Variants in LEMD1 observed in about 807,000 individuals in gnomAD.
LEMD1 encodes LEM domain containing 1, also known as LEM domain-containing protein 1.
In LEMD1, 18 loss-of-function variants were observed where a neutral mutation model predicts 17.4. That is an observed-to-expected ratio of 1.04 (90% CI 0.72 to 1.54). LEMD1 has a LOEUF of 1.54. Among genes scored for constraint, LEMD1 ranks in the 40% most tolerant of loss-of-function variants. The pLI is 0.00. For synonymous variants in LEMD1, 88 were observed against 77.8 expected, an observed-to-expected ratio of 1.13 and a Z score of -0.69; for missense variants, 195 against 210.4, an observed-to-expected ratio of 0.93 and a Z score of 0.45.
intron 1 of LEMD1, among the ~76,000 whole-genome samples, chr1:205,444,629 AAAGT>A (rs1194064929): frequency 1.3e-5 from 2 of 152,162 alleles, no homozygotes; most frequent in Non-Finnish European, 1.5e-5. Flanking sequence ...AGCAGGCCAG[AAAGT>A]AAGATAAAGA....
intron 4 of LEMD1, among the ~76,000 whole-genome samples, chr1:205,392,434 C>T (rs368043979): frequency 6.7e-4 from 101 of 151,638 alleles, no homozygotes; most frequent in African/African-American, 1.2e-3. Flanking sequence ...CCCAGCTACT[C>T]GGGAGGCTGA....
chr1:205,429,956 C>T (rs1413117802), intron 1 of LEMD1, among the ~76,000 whole-genome samples: 1 of 152,168 alleles, frequency 6.6e-6, no homozygotes, highest in Non-Finnish European at 1.5e-5. Flanking sequence ...CGGCTGTGCA[C>T]AGGTGTCGCT....
chr1:205,417,832 T>TA lies in LEMD1; in HGVS notation c.205+1397dup, dbSNP rs35330399. Among the ~76,000 whole-genome samples the TA allele has an allele frequency of 6.0e-3, 859 of 144,078 alleles. 3 individuals carry two copies. Among genetic ancestry groups the TA allele is most frequent in the African/African-American group, 8.5e-3 (329 of 38,882 alleles). 94.5% of individuals were successfully genotyped at this position (144,078 alleles called of 152,430 possible). On this transcript the variant is annotated intron_variant, in intron 3 of 5. Coordinates refer to ENST00000367153, the MANE Select transcript of LEMD1 (RefSeq NM_001199050.2). ...TCCTTTTTTTGTAGATCAGACATGG[T>TA]AAAAAAAAAAAAAAATGTAATGTGG...
In LEMD1 at chr1:205,420,468, A is replaced by T; in HGVS notation, c.69T>A (p.Pro23=). 6.2e-7 allele frequency: 1 copy of T among 1,613,482 alleles called. No homozygotes were observed. The highest frequency in any genetic ancestry group is 8.5e-7 in the Non-Finnish European group (1 of 1,179,408). The change falls in exon 2 of 6, where the codon CCT becomes CCA. Residue 23 remains proline, a synonymous_variant. Transcript: ENST00000367153. ...QNQLEKLGFS[P]GPILPSTRKL... ...TACTGTACATACGTAGTATTGGGCC[A>T]GGTGAAAATCCAAGCTTCTCAAGTT...
intron 5 of LEMD1, among the ~76,000 whole-genome samples, chr1:205,384,022 AC>A (rs2102332134): frequency 6.6e-6 from 1 of 151,114 alleles, no homozygotes; most frequent in East Asian, 1.9e-4. Context: ...AAATGGCTAC[AC>A]ATCAGGAGAC....
chr1:205,402,667 C>A (rs1377980364), intron 4 of LEMD1, among the ~76,000 whole-genome samples: 5 of 152,066 alleles, frequency 3.3e-5, no homozygotes, highest in Admixed American at 3.3e-4. Context: ...TTGACTTCCT[C>A]TTTTCCTAAT....
At chr1:205,447,648 C>T (rs74141215) in intron 1 of LEMD1, among the ~76,000 whole-genome samples, 12,862 of 151,670 alleles carry the variant, frequency 0.085, 574 homozygotes, top group African/African-American at 0.094. Flanking sequence ...ACAAGCAGGA[C>T]GGGGGCAGGG....
chr1:205,382,381 C>T (rs541912285), intron 5 of LEMD1, among the ~76,000 whole-genome samples: 3 of 152,054 alleles, frequency 2.0e-5, no homozygotes, highest in South Asian at 4.2e-4. Context: ...TGTGCCACTG[C>T]ACTCCAGCCT....
chr1:205,427,509 CAGAG>C (rs1558739470), intron 1 of LEMD1, among the ~76,000 whole-genome samples: 1 of 97,814 alleles, frequency 1.0e-5, no homozygotes, highest in South Asian at 3.8e-4. Flanking sequence ...GAGAGAGAGA[CAGAG>C]AGAGAGACAG....
intron 1 of LEMD1, among the ~76,000 whole-genome samples, chr1:205,421,232 A>G (rs1665947895): frequency 6.6e-6 from 1 of 152,222 alleles, no homozygotes; most frequent in Non-Finnish European, 1.5e-5. Context: ...CCAAATCTGC[A>G]CAACCTCAAA....
Position 205,381,747 on chromosome 1 carries a change from G to A in LEMD1, c.457C>T (p.Pro153Ser), listed in dbSNP as rs1419374959. 1.2e-6 allele frequency: 2 copies of A among 1,614,178 alleles called. No individual in the cohort carries two copies. The highest frequency in any genetic ancestry group is 3.3e-5 in the Admixed American group (2 of 60,022). The change falls in exon 6 of 6, where the codon CCA becomes TCA. Residue 153 changes from proline (P) to serine (S), a missense_variant. Transcript: ENST00000367153. ...AGCACAGCAAGCTTCAAGCCCACTG[G>A]GAAACCTTCTTCTCTCCAGCTCTCG... is the stretch of plus-strand genomic sequence containing the variant. ...TIESWREEGF[P>S]VGLKLAVLGI...
chr1:205,438,150 G>T (rs1172621666), intron 1 of LEMD1, among the ~76,000 whole-genome samples: 1 of 152,192 alleles, frequency 6.6e-6, no homozygotes, highest in Non-Finnish European at 1.5e-5. Flanking sequence ...TCAGCAGCCT[G>T]AAGCCCAAGA....
intron 4 of LEMD1, among the ~76,000 whole-genome samples, chr1:205,411,555 CAA>C (rs1224727332): frequency 3.7e-4 from 17 of 46,358 alleles, no homozygotes; most frequent in Admixed American, 8.4e-4. Flanking sequence ...GACTCCGTCT[CAA>C]AAAAAAAAAA....
chr1:205,443,158 A>G (rs985917376), intron 1 of LEMD1, among the ~76,000 whole-genome samples: 2 of 152,144 alleles, frequency 1.3e-5, no homozygotes, highest in African/African-American at 4.8e-5. Flanking sequence ...ATGATTATTG[A>G]AAAATACATG....
intron 5 of LEMD1, among the ~76,000 whole-genome samples, chr1:205,383,795 G>A (rs1229757967): frequency 6.6e-6 from 1 of 151,582 alleles, no homozygotes; most frequent in Non-Finnish European, 1.5e-5. Context: ...CACCACGTCT[G>A]GCTAATTTTT....
At position 205,439,960 on chromosome 1, in the gene LEMD1, C is replaced by T. The variant is rs541107248; in HGVS notation, c.-39+9908G>A. ...GCAGAGGCTGAAGCTGGAAGGTTGG[C>T]GGGGGTGGGGGATGAGGGAAAAAGT... is the stretch of plus-strand genomic sequence containing the variant. On this transcript the variant is annotated intron_variant, in intron 1 of 3. Transcript: ENST00000367154. Among the ~76,000 whole-genome samples, 5 of 98,578 alleles carry T rather than the reference C, an allele frequency of 5.1e-5. 1 individual carries two copies. In the South Asian group the frequency reaches 1.4e-3, roughly 29 times the overall value. 64.7% of individuals were successfully genotyped at this position (98,578 alleles called of 152,430 possible). A position where few individuals can be genotyped will look rare whatever the true frequency, so the allele number is the denominator to read the frequency against.
In LEMD1 at chr1:205,410,112, G is replaced by C. The variant is rs868500947; in HGVS notation, c.270+6120C>G. The stretch of plus-strand genomic sequence containing the variant: ...TATTTTTATTTTTCTTGTAGAGATG[G>C]GTTCTTGTCATGTTGCCCAAACTGG... On this transcript the variant is annotated intron_variant, in intron 4 of 5. Coordinates refer to ENST00000367153, the MANE Select transcript of LEMD1 (RefSeq NM_001199050.2). Among the ~76,000 whole-genome samples the C allele has an allele frequency of 2.0e-5, 3 of 150,536 alleles. No homozygotes were observed. The South Asian group carries it at 6.3e-4, about 32-fold the overall frequency.
chr1:205,437,163 A>AAGGAATG (rs1666223511), intron 1 of LEMD1: 1 of 152,420 alleles, frequency 6.6e-6, no homozygotes, highest in African/African-American at 2.4e-5. Flanking sequence ...TGCAGAAGGC[A>AAGGAATG]AGGAATGAGG....
chr1:205,443,377 C>T (rs1440022704), intron 1 of LEMD1, among the ~76,000 whole-genome samples: 1 of 118,142 alleles, frequency 8.5e-6, no homozygotes, highest in Non-Finnish European at 1.8e-5. Flanking sequence ...TTAAATGACC[C>T]GTTCCTCCCC....
Sources: allele counts gnomAD v4.1 joint callset (sites outside exome capture counted in the v4.1 genomes callset), GRCh38; gene constraint gnomAD v4.1.1; transcripts MANE v1.5; gene names NCBI Gene and HGNC (gene_info 2026-07-23, HGNC 2026-07-21).